IL16: variants seen among roughly 807,000 people sequenced by gnomAD.
IL16 encodes the protein pro-interleukin-16.
A neutral mutation model predicts 110.1 loss-of-function variants in IL16; 67 were observed. The ratio of observed to expected loss-of-function variants is 0.61; its 90% CI spans 0.50 to 0.75. The LOEUF (loss-of-function observed/expected upper bound fraction) is 0.75, where lower values mean the gene tolerates loss of function less well. Ranked by LOEUF, IL16 falls within the 30% of genes least tolerant of loss-of-function variation. The pLI is 0.00. For synonymous variants in IL16, 689 were observed against 662.9 expected (o/e 1.04, Z -0.61); for missense variants, 1,545 against 1,655.0 (o/e 0.93, Z 1.15).
chr15:81,257,338 C>G (rs535717411), intron 2 of IL16, among the ~76,000 whole-genome samples: 1 of 152,272 alleles, frequency 6.6e-6, no homozygotes, highest in South Asian at 2.1e-4. Context: ...CTCCAGTTGG[C>G]GACAGAGTAC....
chr15:81,208,334 C>T (rs1350609249), intron 1 of IL16, among the ~76,000 whole-genome samples: 1 of 152,122 alleles, frequency 6.6e-6, no homozygotes, highest in Non-Finnish European at 1.5e-5. Flanking sequence ...TGTCTTTTTA[C>T]TCTGTTGATA....
chr15:81,222,894 T>C (rs1289641737), intron 1 of IL16, among the ~76,000 whole-genome samples: 2 of 152,080 alleles, frequency 1.3e-5, no homozygotes, highest in East Asian at 3.9e-4. Context: ...GGAGAGTTAC[T>C]AGTTTTGGGA....
intron 3 of IL16, among the ~76,000 whole-genome samples, chr15:81,263,518 C>CCGAAGT (rs1208955741): frequency 6.6e-6 from 1 of 152,088 alleles, no homozygotes; most frequent in Non-Finnish European, 1.5e-5. Flanking sequence ...AAACAGTGGG[C>CCGAAGT]CGAAGTGGGC....
intron 2 of IL16, among the ~76,000 whole-genome samples, chr15:81,244,179 C>A (rs554196852): frequency 6.6e-6 from 1 of 152,214 alleles, no homozygotes; most frequent in Non-Finnish European, 1.5e-5. Context: ...CACTTAAAAC[C>A]ACATCACAGT....
chr15:81,305,544 C>T (rs750897475), intron 16 of IL16, among the ~76,000 whole-genome samples: 3 of 152,030 alleles, frequency 2.0e-5, no homozygotes, highest in Non-Finnish European at 2.9e-5. Context: ...ACACAATACC[C>T]GTTAATATGC....
chr15:81,249,913 A>G lies in IL16; in HGVS notation c.313-9859A>G, dbSNP rs150679673. Among the ~76,000 whole-genome samples, 1,093 of 152,062 alleles carry G rather than the reference A, an allele frequency of 7.2e-3. 18 individuals carry two copies. Among genetic ancestry groups the G allele is most frequent in the African/African-American group, 0.025 (1,020 of 41,486 alleles). On this transcript the variant is annotated intron_variant, in intron 2 of 18. Transcript: ENST00000683961. The stretch of plus-strand genomic sequence containing the variant: ...GTTAGATATATATTCCAATTCTTTC[A>G]TCCTCTCTTTAACACTGTCTAATAC...
chr15:81,262,880 G>A (rs1425959337), intron 3 of IL16, among the ~76,000 whole-genome samples: 3 of 152,176 alleles, frequency 2.0e-5, no homozygotes, highest in Admixed American at 1.3e-4. Context: ...GTGGTGAGCC[G>A]AGATTGTGCC....
At chr15:81,183,864 C>T (rs900455238) in intron 1 of IL16, among the ~76,000 whole-genome samples, 7 of 152,184 alleles carry the variant, frequency 4.6e-5, no homozygotes, top group Admixed American at 2.6e-4. Context: ...CTTTGCAAAA[C>T]GGTGGTCATA....
chr15:81,243,477 G>T (rs1023479910), intron 2 of IL16, among the ~76,000 whole-genome samples: 3 of 151,882 alleles, frequency 2.0e-5, no homozygotes, highest in Non-Finnish European at 2.9e-5. Flanking sequence ...GAGCCACCAT[G>T]TCTGGCCATG....
intron 8 of IL16, among the ~76,000 whole-genome samples, chr15:81,281,589 G>C (rs945442930): frequency 6.6e-6 from 1 of 152,240 alleles, no homozygotes; most frequent in Admixed American, 6.5e-5. Flanking sequence ...GCCACCTGAA[G>C]TATCCATTCC....
intron 12 of IL16, among the ~76,000 whole-genome samples, chr15:81,293,909 A>C (rs1181186178): frequency 6.6e-6 from 1 of 152,152 alleles, no homozygotes; most frequent in Non-Finnish European, 1.5e-5. Flanking sequence ...CCAGTTGTGC[A>C]AAGAGGGAAC....
At chr15:81,287,851 T>C (rs1254036512) in intron 10 of IL16, among the ~76,000 whole-genome samples, 1 of 152,232 alleles carries the variant, frequency 6.6e-6, no homozygotes, top group Non-Finnish European at 1.5e-5. Flanking sequence ...AGCAAACTTC[T>C]TAATTAAGGC....
At chr15:81,232,237 T>C (rs1032397516) in intron 2 of IL16, among the ~76,000 whole-genome samples, 5 of 152,038 alleles carry the variant, frequency 3.3e-5, no homozygotes, top group African/African-American at 1.2e-4. Context: ...TTGGAGATTT[T>C]TGTTGTTGTT....
At chr15:81,234,078 TATAG>T (rs796720650) in intron 2 of IL16, among the ~76,000 whole-genome samples, 24 of 152,292 alleles carry the variant, frequency 1.6e-4, no homozygotes, top group African/African-American at 5.1e-4. Flanking sequence ...CTGATACTAG[TATAG>T]CTTCACCACT....
In IL16 at chr15:81,296,943, C is replaced by T; in HGVS notation, c.1918C>T (p.Leu640=). The change falls in exon 13 of 19, where the codon CTG becomes TTG. Residue 640 remains leucine, a synonymous_variant. Transcript: ENST00000683961. ...TACACCACAGGAAGCGAGAGAGCTGCTGCCACTGCTGCTACCACAGGAAGA... is the reference window on the plus strand; with the variant it reads ...TACACCACAGGAAGCGAGAGAGCTGTTGCCACTGCTGCTACCACAGGAAGA... ...PTCGQEAREL[L]PLLLPQEDTA... 1 of 1,611,592 alleles carries T rather than the reference C, an allele frequency of 6.2e-7. No individual in the cohort carries two copies.
Position 81,279,789 on chromosome 15 carries a change from G to A in IL16, c.1081+15G>A. ...TCTGCAGAAAGGTAGGAGTGCTGCA[G>A]CTGTGTCCCGTGCCTGGGTCTCCCA... On this transcript the variant is annotated intron_variant, in intron 8 of 18. Transcript: ENST00000683961. The A allele has an allele frequency of 7.5e-6, 12 of 1,610,402 alleles. No homozygotes were observed. The highest frequency in any genetic ancestry group is 1.0e-5 in the Non-Finnish European group (12 of 1,176,984).
intron 6 of IL16, among the ~76,000 whole-genome samples, chr15:81,274,303 G>T (rs566784315): frequency 1.3e-5 from 2 of 152,182 alleles, no homozygotes; most frequent in Non-Finnish European, 2.9e-5. Flanking sequence ...AAATTTAAAA[G>T]TGTTTTTGAT....
intron 1 of IL16, among the ~76,000 whole-genome samples, chr15:81,201,290 C>G (rs1194455264): frequency 6.6e-6 from 1 of 152,092 alleles, no homozygotes; most frequent in South Asian, 2.1e-4. Flanking sequence ...TGCACGCACA[C>G]ACCCCCATCC....
rs559919221 is a variant in IL16, at chr15:81,282,588, C to T, written c.1082-51C>T. 2.2e-6 allele frequency: 3 copies of T among 1,386,326 alleles called. No homozygotes were observed. The Admixed American group carries it at 5.0e-5, about 23-fold the overall frequency. The allele number at this position is 1,386,326 out of a possible 1,614,324, so 85.9% of individuals were successfully genotyped here. On this transcript the variant is annotated intron_variant, in intron 8 of 18. Coordinates refer to ENST00000683961, the MANE Select transcript of IL16 (RefSeq NM_172217.5). The stretch of plus-strand genomic sequence containing the variant: ...TGGCACCCAATCGACGAGTAGGCCC[C>T]CTGGGAAAGCTCAGTCCCGGTCTCC...
Sources: gnomAD v4.1 joint callset for allele counts (sites outside exome capture counted in the v4.1 genomes callset) on GRCh38, gnomAD v4.1.1 for gene constraint, MANE v1.5 for transcripts, NCBI Gene and HGNC (gene_info 2026-07-23, HGNC 2026-07-21) for gene names.